The following KRIT1 variants were observed in gnomAD, a reference collection of about 807,000 sequenced individuals.
The protein encoded by KRIT1 is KRIT1 ankyrin repeat containing.
A neutral mutation model predicts 95.8 loss-of-function variants in KRIT1; 45 were observed. That is an observed-to-expected ratio of 0.47 (90% CI 0.37 to 0.60). The LOEUF is 0.60. Among genes scored for constraint, KRIT1 ranks in the 20% least tolerant of loss-of-function variants. The pLI is 0.00. For missense variants in KRIT1, 788 were observed against 877.5 expected (o/e 0.90, Z 1.29); for synonymous variants, 282 against 278.8 (o/e 1.01, Z -0.11).
At chr7:92,213,128 A>C in intron 17 of KRIT1, 67 bp downstream of exon 17, 1 of 1,061,242 alleles carries the variant, frequency 9.4e-7, no homozygotes, top group Non-Finnish European at 1.5e-6. Flanking sequence ...TAAATTCTTC[A>C]TGTAGGTTGG....
chr7:92,208,984 G>C (rs1334311074), intron 17 of KRIT1, among the ~76,000 whole-genome samples: 1 of 152,054 alleles, frequency 6.6e-6, no homozygotes, highest in Non-Finnish European at 1.5e-5. Context: ...ACATCAAAAA[G>C]ATAACACACC....
chr7:92,208,685 T>A (rs181166533), intron 17 of KRIT1, among the ~76,000 whole-genome samples: 76 of 152,176 alleles, frequency 5.0e-4, no homozygotes, highest in African/African-American at 1.8e-3. Flanking sequence ...CCTCAACAGA[T>A]AAATTCTCGG....
At chr7:92,232,730 G>A (rs1797573389) in intron 10 of KRIT1, among the ~76,000 whole-genome samples, 1 of 151,940 alleles carries the variant, frequency 6.6e-6, no homozygotes, top group African/African-American at 2.4e-5. Flanking sequence ...GTCTCACTGT[G>A]TTGCCCAGGC....
At chr7:92,225,964 G>A in intron 11 of KRIT1, 137 bp from the exon 12 acceptor site, 1 of 633,000 alleles carries the variant, frequency 1.6e-6, no homozygotes, top group East Asian at 2.7e-5. Flanking sequence ...ACCACACTTG[G>A]TATGTATTAT....
intron 9 of KRIT1, 99 bp downstream of exon 9, chr7:92,234,709 A>T: frequency 9.3e-7 from 1 of 1,073,356 alleles, no homozygotes; most frequent in East Asian, 2.4e-5. Context: ...CTCAATAGTG[A>T]CTACAATGCA....
At chr7:92,243,917 A>G (rs1800260459) in intron 3 of KRIT1, 85 bp downstream of exon 3, 1 of 152,198 alleles carries the variant, frequency 6.6e-6, no homozygotes, top group Non-Finnish European at 1.5e-5. Flanking sequence ...AAAGGTTTTG[A>G]GGACGTTATC....
intron 17 of KRIT1, among the ~76,000 whole-genome samples, chr7:92,208,501 A>C (rs1370511906): frequency 6.6e-6 from 1 of 152,146 alleles, no homozygotes; most frequent in Non-Finnish European, 1.5e-5. Flanking sequence ...AATCCAAATA[A>C]ACAAAATCAT....
In KRIT1 at chr7:92,234,376, TGAAAA is replaced by T; in HGVS notation, c.989+68_989+72del. ...AAAGTATTTGGAATGAGAACAGTCT[TGAAAA>T]GAAGGACTAACATTTATAATAAAAA... On this transcript the variant is annotated intron_variant, in intron 10 of 18. Transcript: ENST00000394505. 3.3e-6 allele frequency: 4 copies of T among 1,196,710 alleles called. No homozygotes were observed. The South Asian group carries it at 5.1e-5, about 15-fold the overall frequency. The allele number at this position is 1,196,710 out of a possible 1,614,324, so 74.1% of individuals were successfully genotyped here.
intron 14 of KRIT1, among the ~76,000 whole-genome samples, chr7:92,218,374 C>T (rs183542745): frequency 3.3e-5 from 5 of 151,658 alleles, no homozygotes; most frequent in South Asian, 2.1e-4. Flanking sequence ...TGAACCACCA[C>T]GCCTGGCCTA....
chr7:92,216,595 T>C (rs1404814789), intron 14 of KRIT1, among the ~76,000 whole-genome samples: 1 of 152,142 alleles, frequency 6.6e-6, no homozygotes, highest in Non-Finnish European at 1.5e-5. Context: ...GTCCTTATTC[T>C]TAGAAGATGC....
At chr7:92,220,512 T>C (rs1193823395) in intron 14 of KRIT1, among the ~76,000 whole-genome samples, 1 of 152,170 alleles carries the variant, frequency 6.6e-6, no homozygotes, top group East Asian at 1.9e-4. Flanking sequence ...TGAAATTTTC[T>C]TGTGCCAAAA....
Position 92,235,583 on chromosome 7 carries a change from A to G in KRIT1, c.549T>C (p.Leu183=). ...TTATGACATTAGTTTTTATCCGCTC[A>G]AGAGGAGAAGGTCGGAATAAAGCTG... ...FIPALFRPSP[L]ERIKTNVINP... is the part of the protein sequence containing the mutation. The change falls in exon 8 of 19, where the codon CTT becomes CTC. Residue 183 remains leucine (L), a synonymous_variant. Coordinates refer to ENST00000394505, the MANE Select transcript of KRIT1 (RefSeq NM_194454.3). 1 of 1,613,928 alleles carries G rather than the reference A, an allele frequency of 6.2e-7. No individual in the cohort carries two copies. Among genetic ancestry groups the G allele is most frequent in the Non-Finnish European group, 8.5e-7 (1 of 1,179,868 alleles).
rs910388433 is a variant in KRIT1, at chr7:92,225,643, C to A, written c.1254+77G>T. ...GAAGCCATCTAATCGTCTTTCCACT[C>A]TTGCCACAGATCCTCAAATTTAAAT... is the stretch of plus-strand genomic sequence containing the variant. On this transcript the variant is annotated intron_variant, in intron 12 of 18. Transcript: ENST00000394505. 6 of 871,318 alleles carry A rather than the reference C, an allele frequency of 6.9e-6. No individual in the cohort carries two copies. In the African/African-American group the frequency reaches 1.0e-4, roughly 14 times the overall value. 54.0% of individuals were successfully genotyped at this position (871,318 alleles called of 1,614,324 possible).
At chr7:92,204,072 G>A (rs1790820631) in intron 17 of KRIT1, 1 of 151,590 alleles carries the variant, frequency 6.6e-6, no homozygotes, top group Non-Finnish European at 1.5e-5. Context: ...ACCAGCCTGG[G>A]CAACAAAGTG....
At chr7:92,231,547 T>C (rs1797287456) in intron 10 of KRIT1, among the ~76,000 whole-genome samples, 1 of 152,154 alleles carries the variant, frequency 6.6e-6, no homozygotes, top group Non-Finnish European at 1.5e-5. Flanking sequence ...TGAGGTAAAA[T>C]ATCTTGTCTT....
intron 14 of KRIT1, among the ~76,000 whole-genome samples, chr7:92,221,271 G>A (rs931676663): frequency 1.3e-5 from 2 of 151,862 alleles, no homozygotes; most frequent in Non-Finnish European, 2.9e-5. Context: ...CCCCGTCTCC[G>A]CTAAAAATAC....
In KRIT1 at chr7:92,234,493, G is replaced by C; in HGVS notation, c.945C>G (p.Asn315Lys). ...SRLLSERFSV[N>K]QLDSDHWAPI... is the part of the protein sequence containing the mutation. ...GTGCCCAGTGGTCACTATCTAACTGGTTGACTGAAAATCTTTCACTGAGAA... is the reference window on the plus strand; with the variant it reads ...GTGCCCAGTGGTCACTATCTAACTGCTTGACTGAAAATCTTTCACTGAGAA... The change falls in exon 10 of 19, where the codon AAC (asparagine) becomes AAG (lysine). Residue 315 changes from asparagine to lysine, a missense_variant. Physicochemically the swap from Asn to Lys is moderately conservative, Grantham distance 94 (BLOSUM62 0). Around this residue, in one of 3 missense-constraint regions of KRIT1, gnomAD observed 493 missense variants for 582.3 expected, o/e 0.85. Transcript: ENST00000394505. 1 of 1,610,694 alleles carries C rather than the reference G, an allele frequency of 6.2e-7. No individual in the cohort carries two copies. Among genetic ancestry groups the C allele is most frequent in the Non-Finnish European group, 8.5e-7 (1 of 1,176,814 alleles).
At chr7:92,223,639 C>CT (rs1216522164) in intron 12 of KRIT1, among the ~76,000 whole-genome samples, 1 of 152,010 alleles carries the variant, frequency 6.6e-6, no homozygotes, top group Non-Finnish European at 1.5e-5. Flanking sequence ...AACTTGGTTA[C>CT]TGAATCTAGT....
Position 92,226,397 on chromosome 7 carries a change from T to C in KRIT1, c.1146+129A>G. On this transcript the variant is annotated intron_variant, in intron 11 of 18. Transcript: ENST00000394505. ...TACAACTCATATATTCCGTTACTTA[T>C]TCTATAAAGTAATGGAATTTATTTT... 4.1e-6 allele frequency: 3 copies of C among 735,086 alleles called. No homozygotes were observed. The South Asian group carries it at 4.6e-5, about 11-fold the overall frequency. 45.5% of individuals were successfully genotyped at this position (735,086 alleles called of 1,614,324 possible). A position where few individuals can be genotyped will look rare whatever the true frequency, so the allele number is the denominator to read the frequency against.
Sources: allele counts gnomAD v4.1 joint callset (sites outside exome capture counted in the v4.1 genomes callset), GRCh38; gene constraint gnomAD v4.1.1; regional missense constraint gnomAD v4.1.1; transcripts MANE v1.5; gene names NCBI Gene and HGNC (gene_info 2026-07-23, HGNC 2026-07-21).